The following LNX2 variants were observed in gnomAD, a reference collection of about 807,000 sequenced individuals.
LNX2 encodes ligand of Numb protein X 2.
A neutral mutation model predicts 66.2 loss-of-function variants in LNX2; 35 were observed. That is an observed-to-expected ratio of 0.53 (90% CI 0.40 to 0.70). The LOEUF (loss-of-function observed/expected upper bound fraction) is 0.70. Among genes scored for constraint, LNX2 ranks in the 30% least tolerant of loss-of-function variants. The pLI is 0.00. For missense variants in LNX2, 791 were observed against 850.8 expected, an observed-to-expected ratio of 0.93 and a Z score of 0.87; for synonymous variants, 337 against 315.6, an observed-to-expected ratio of 1.07 and a Z score of -0.72.
intron 1 of LNX2, among the ~76,000 whole-genome samples, chr13:27,614,497 C>T (rs1955806777): frequency 6.6e-6 from 1 of 151,934 alleles, no homozygotes; most frequent in African/African-American, 2.4e-5. Flanking sequence ...CCACCCCTTC[C>T]CCCAGACTAC....
chr13:27,546,700 T>C lies in LNX2; in HGVS notation c.*1635A>G, dbSNP rs1480003336. On this transcript the variant is annotated 3_prime_UTR_variant, in exon 10 of 10. Transcript: ENST00000316334. ...CATAATATATTGTACTGTAGTATTCTGAAATACATTCTCTGATTATCAATA... is the reference window on the plus strand; with the variant it reads ...CATAATATATTGTACTGTAGTATTCCGAAATACATTCTCTGATTATCAATA... 7 of 152,230 alleles carry C rather than the reference T, an allele frequency of 4.6e-5. No homozygotes were observed. In the East Asian group the frequency reaches 1.3e-3, roughly 29 times the overall value. The allele number at this position is 152,230 out of a possible 1,614,324, so 9.4% of individuals were successfully genotyped here. A position where few individuals can be genotyped will look rare whatever the true frequency, so the allele number is the denominator to read the frequency against.
intron 2 of LNX2, among the ~76,000 whole-genome samples, chr13:27,570,473 G>C (rs1566120330): frequency 1.3e-5 from 2 of 152,096 alleles, no homozygotes; most frequent in Non-Finnish European, 2.9e-5. Context: ...GATTCACTAT[G>C]AAATATCTTT....
chr13:27,548,227 T>A lies in LNX2; in HGVS notation c.*108A>T. 9.6e-7 allele frequency: 1 copy of A among 1,039,970 alleles called. No individual in the cohort carries two copies. Among genetic ancestry groups the A allele is most frequent in the South Asian group, 1.5e-5 (1 of 65,970 alleles). The allele number at this position is 1,039,970 out of a possible 1,614,324, so 64.4% of individuals were successfully genotyped here. The stretch of plus-strand genomic sequence containing the variant: ...TCTTAGTGGGTTTTGGCCCTGTGTA[T>A]ACCAGCAGTGTCAGCAGCTCCTAAA... On this transcript the variant is annotated 3_prime_UTR_variant, in exon 10 of 10. Coordinates refer to ENST00000316334, the MANE Select transcript of LNX2 (RefSeq NM_153371.4).
chr13:27,570,728 AT>A lies in LNX2; in HGVS notation c.408-1453del, dbSNP rs573582174. Among the ~76,000 whole-genome samples, 543 of 152,344 alleles carry A rather than the reference AT, an allele frequency of 3.6e-3. 2 individuals carry two copies. The highest frequency in any genetic ancestry group is 0.012 in the African/African-American group (515 of 41,588). On this transcript the variant is annotated intron_variant, in intron 2 of 9. Transcript: ENST00000316334. ...GCTAAAACTAGACCATAAAAATAAT[AT>A]GACTGAAAAGACAGGTAAAGATTTA...
chr13:27,553,636 T>C (rs939890640), intron 7 of LNX2, among the ~76,000 whole-genome samples, 197 bp from the exon 8 acceptor site: 1 of 152,146 alleles, frequency 6.6e-6, no homozygotes, highest in South Asian at 2.1e-4. Flanking sequence ...AAACATTCCA[T>C]AATTTTAAAA....
Position 27,583,196 on chromosome 13 carries a change from G to A in LNX2, c.-100-1393C>T, listed in dbSNP as rs1183182072. On this transcript the variant is annotated intron_variant, in intron 1 of 9. Coordinates refer to ENST00000316334, the MANE Select transcript of LNX2 (RefSeq NM_153371.4). ...TGTGTGTGTGTGTGTGTGTGTGTGT[G>A]TGTGTGTGTGTGTGTGTGTGTGTGT... 8.9e-3 allele frequency among the ~76,000 whole-genome samples: 102 copies of A among 11,520 alleles called. 5 individuals carry two copies. Among genetic ancestry groups the A allele is most frequent in the Admixed American group, 0.017 (15 of 908 alleles). 7.6% of individuals were successfully genotyped at this position (11,520 alleles called of 152,430 possible).
rs751593193 is a variant in LNX2 at position 27,567,633 on chromosome 13, C to T, written c.855+7G>A. 2.5e-6 allele frequency: 4 copies of T among 1,612,524 alleles called. No homozygotes were observed. Among genetic ancestry groups the T allele is most frequent in the African/African-American group, 1.3e-5 (1 of 74,986 alleles). ...GCACAAGTTAACAGAATAATTAAAACTGATACCTGAAGAATCTGGTCTCCA... is the reference window on the plus strand; with the variant it reads ...GCACAAGTTAACAGAATAATTAAAATTGATACCTGAAGAATCTGGTCTCCA... On this transcript the variant is annotated splice_region_variant and intron_variant, in intron 4 of 9. Transcript: ENST00000316334.
At chr13:27,609,937 TTA>T (rs752983275) in intron 1 of LNX2, among the ~76,000 whole-genome samples, 1 of 152,222 alleles carries the variant, frequency 6.6e-6, no homozygotes, top group Non-Finnish European at 1.5e-5. Flanking sequence ...CAAAATAGAA[TTA>T]TGTCTATTTT....
intron 1 of LNX2, among the ~76,000 whole-genome samples, chr13:27,588,021 C>CAAAAAAAAAAAAAAAAAAAAAAAAA (rs56812051): frequency 1.1e-5 from 1 of 93,532 alleles, no homozygotes. Context: ...ACTCTTGTCA[C>CAAAAAAAAAAAAAAAAAAAAAAAAA]AAAAAAAAAA....
chr13:27,583,668 T>C (rs1955449882), intron 1 of LNX2, among the ~76,000 whole-genome samples: 1 of 152,158 alleles, frequency 6.6e-6, no homozygotes, highest in Non-Finnish European at 1.5e-5. Flanking sequence ...AGGGATTAAA[T>C]ATTCAACTCC....
At chr13:27,577,869 T>C (rs1386128512) in intron 2 of LNX2, among the ~76,000 whole-genome samples, 1 of 152,114 alleles carries the variant, frequency 6.6e-6, no homozygotes, top group Non-Finnish European at 1.5e-5. Context: ...TGGTAGAGCG[T>C]AGGAGGAATG....
At chr13:27,556,531 C>T in intron 6 of LNX2, 118 bp from the exon 7 acceptor site, 1 of 857,720 alleles carries the variant, frequency 1.2e-6, no homozygotes, top group South Asian at 1.7e-5. Context: ...ATTTTTTATT[C>T]CTTAATTGCA....
chr13:27,585,934 T>C (rs151329157), intron 1 of LNX2, among the ~76,000 whole-genome samples: 93 of 150,860 alleles, frequency 6.2e-4, no homozygotes, highest in African/African-American at 2.2e-3. Flanking sequence ...AAAATTAACA[T>C]GTTCCCATTT....
Position 27,567,877 on chromosome 13 carries a change from TA to T in LNX2, c.656-39del, listed in dbSNP as rs747765300. 2.5e-5 allele frequency: 38 copies of T among 1,546,458 alleles called. No homozygotes were observed. In the South Asian group the frequency reaches 3.8e-4, roughly 15 times the overall value. ...AAATGAGACAGACAAAAACAGATGT[TA>T]AAAAAATAAACAAACCCAACAATTT... On this transcript the variant is annotated intron_variant, in intron 3 of 9. Transcript: ENST00000316334.
Position 27,559,940 on chromosome 13 carries a change from GT to G in LNX2, c.1269del (p.Lys423AsnfsTer49). The G allele has an allele frequency of 6.2e-7, 1 of 1,610,954 alleles. No individual in the cohort carries two copies. The highest frequency in any genetic ancestry group is 8.5e-7 in the Non-Finnish European group (1 of 1,177,818). The part of the protein sequence containing the change: ...RVNLTIARPG[K>X]PQPGNTIREA... ...TCTCTAATGGTGTTACCAGGCTGGG[GT>G]TTCCCTGGTCTAGCAATTGTTAAAT... On this transcript the variant is annotated frameshift_variant, in exon 6 of 10. Coordinates refer to ENST00000316334, the MANE Select transcript of LNX2 (RefSeq NM_153371.4). LOFTEE classifies it high-confidence loss of function.
At chr13:27,580,598 TAAATA>T (rs749853862) in intron 2 of LNX2, among the ~76,000 whole-genome samples, 22 of 152,188 alleles carry the variant, frequency 1.4e-4, no homozygotes, top group Non-Finnish European at 2.6e-4. Flanking sequence ...ACTCATCAGC[TAAATA>T]AATTACTTAA....
At chr13:27,560,115 G>A (rs1323018806) in intron 5 of LNX2, 130 bp from the exon 6 acceptor site, 3 of 624,572 alleles carry the variant, frequency 4.8e-6, no homozygotes, top group East Asian at 3.2e-5. Flanking sequence ...GTGACTGCAA[G>A]CACCTGGTGG....
chr13:27,574,184 G>A (rs1174104040), intron 2 of LNX2, among the ~76,000 whole-genome samples: 2 of 152,182 alleles, frequency 1.3e-5, no homozygotes, highest in African/African-American at 4.8e-5. Flanking sequence ...ATGGCCGGGT[G>A]CTTTAATCCC....
chr13:27,586,478 T>G (rs1955488195), intron 1 of LNX2, among the ~76,000 whole-genome samples: 1 of 152,194 alleles, frequency 6.6e-6, no homozygotes, highest in Non-Finnish European at 1.5e-5. Flanking sequence ...CTCACACTAC[T>G]CTCACACTGG....
Sources: allele counts gnomAD v4.1 joint callset (sites outside exome capture counted in the v4.1 genomes callset), GRCh38; gene constraint gnomAD v4.1.1; transcripts MANE v1.5; gene names NCBI Gene and HGNC (gene_info 2026-07-23, HGNC 2026-07-21).